PLBD2: variants seen among roughly 807,000 people sequenced by gnomAD.
PLBD2 encodes putative aminopeptidase PLBD2.
Under a neutral mutation model 68.3 loss-of-function variants are expected in PLBD2, and 51 were observed. The observed-to-expected ratio is 0.75, with a 90% confidence interval of 0.60 to 0.94. PLBD2 has a LOEUF of 0.94. Ranked by LOEUF, PLBD2 falls within the 40% of genes least tolerant of loss-of-function variation. PLBD2 has a pLI of 0.00. For synonymous variants in PLBD2, 314 were observed against 339.3 expected (o/e 0.93, Z 0.82); for missense variants, 729 against 792.2 (o/e 0.92, Z 0.96).
At chr12:113,370,133 C>A (rs1258398632) in intron 2 of PLBD2, among the ~76,000 whole-genome samples, 1 of 152,084 alleles carries the variant, frequency 6.6e-6, no homozygotes, top group Non-Finnish European at 1.5e-5. Flanking sequence ...CTCCTGACCT[C>A]AAGTGATCCG....
rs1957366706 is a variant in PLBD2, at chr12:113,369,166, A to G, written c.341A>G (p.Gln114Arg). ...AGTGGCCAATACAATGACAGCTTGC[A>G]GGCCTATGCAGCCGGTGTGGTGGAG... Reference protein sequence around the residue: ...GTSGQYNDSLQAYAAGVVEAA... With the variant: ...GTSGQYNDSLRAYAAGVVEAA... Residue 114 changes from glutamine to arginine, a missense_variant, in exon 2 of 12, where the codon CAG (glutamine) becomes CGG (arginine). Physicochemically the swap from Gln to Arg is conservative, Grantham distance 43 (BLOSUM62 1). Transcript: ENST00000280800. 2 of 1,607,372 alleles carry G rather than the reference A, an allele frequency of 1.2e-6. No homozygotes were observed. The highest frequency in any genetic ancestry group is 2.7e-5 in the African/African-American group (2 of 74,870).
chr12:113,382,699 T>A (rs1169217860), intron 6 of PLBD2, among the ~76,000 whole-genome samples: 1 of 151,830 alleles, frequency 6.6e-6, no homozygotes, highest in Non-Finnish European at 1.5e-5. Context: ...CCCCTTGGCC[T>A]CCCAAAGTGC....
At chr12:113,362,375 G>C (rs1957303615) in intron 1 of PLBD2, among the ~76,000 whole-genome samples, 1 of 151,942 alleles carries the variant, frequency 6.6e-6, no homozygotes, top group African/African-American at 2.4e-5. Context: ...CACAGTTATG[G>C]GGGGCATCCC....
At position 113,358,594 on chromosome 12, in the gene PLBD2, T is replaced by C. The variant is rs12825284; in HGVS notation, c.-7T>C. 231,034 of 1,466,304 alleles carry C rather than the reference T, an allele frequency of 0.16. 18,836 individuals carry two copies. Among genetic ancestry groups the C allele is most frequent in the East Asian group, 0.26 (8,547 of 33,198 alleles). 90.8% of individuals were successfully genotyped at this position (1,466,304 alleles called of 1,614,324 possible). ...ACCCGGGCTGCGGGGCGCAGCATTG[T>C]GCGGTCATGGTGGGCCAGATGTACT... On this transcript the variant is annotated 5_prime_UTR_variant, in exon 1 of 12. Coordinates refer to ENST00000280800, the MANE Select transcript of PLBD2 (RefSeq NM_173542.4).
chr12:113,365,659 A>G (rs1957336373), intron 1 of PLBD2, among the ~76,000 whole-genome samples: 1 of 152,022 alleles, frequency 6.6e-6, no homozygotes, highest in African/African-American at 2.4e-5. Context: ...AGTACTTACC[A>G]CAGTTTCTGG....
At chr12:113,388,041 C>T (rs1022505583) in intron 11 of PLBD2, 135 bp downstream of exon 11, 2 of 1,177,986 alleles carry the variant, frequency 1.7e-6, no homozygotes, top group African/African-American at 1.5e-5. Flanking sequence ...GTTGGGGTCA[C>T]AGTAAAGGTG....
chr12:113,381,469 A>T (rs1229404591), intron 6 of PLBD2, among the ~76,000 whole-genome samples: 1 of 152,100 alleles, frequency 6.6e-6, no homozygotes, highest in Non-Finnish European at 1.5e-5. Context: ...GAGGAGAAAA[A>T]ACATCACTCT....
At chr12:113,374,676 G>A in intron 4 of PLBD2, 102 bp downstream of exon 4, 1 of 1,462,572 alleles carries the variant, frequency 6.8e-7, no homozygotes, top group Non-Finnish European at 9.4e-7. Context: ...CCCTGGCTCT[G>A]TGGCCTTGGA....
chr12:113,374,863 C>G lies in PLBD2; in HGVS notation c.715C>G (p.Leu239Val), dbSNP rs1957425120. ...ALNKTKIKPS[L>V]GSGSCSALIK... ...GAACAAGACCAAGATCAAACCTTCTCTGGGCTCTGGCTCCTGTTCTGCCCT... is the reference window on the plus strand; with the variant it reads ...GAACAAGACCAAGATCAAACCTTCTGTGGGCTCTGGCTCCTGTTCTGCCCT... Residue 239 changes from leucine (L) to valine (V), a missense_variant, in exon 5 of 12, where the codon CTG becomes GTG. Leu to Val is a conservative substitution (Grantham distance 32, BLOSUM62 1). Coordinates refer to ENST00000280800, the MANE Select transcript of PLBD2 (RefSeq NM_173542.4). The G allele has an allele frequency of 1.9e-6, 3 of 1,613,992 alleles. No homozygotes were observed. The highest frequency in any genetic ancestry group is 2.5e-6 in the Non-Finnish European group (3 of 1,180,038).
chr12:113,382,865 GTGTTTTTTTTTTTTTT>G (rs1188795821), intron 6 of PLBD2, among the ~76,000 whole-genome samples: 1 of 103,418 alleles, frequency 9.7e-6, no homozygotes, highest in African/African-American at 3.6e-5. Flanking sequence ...GTGTGTGTGT[GTGTTTTTTTTTTTTTT>G]TTTTTTTTTA....
chr12:113,379,381 G>A (rs1252913471), intron 5 of PLBD2, among the ~76,000 whole-genome samples: 1 of 151,698 alleles, frequency 6.6e-6, no homozygotes, highest in Non-Finnish European at 1.5e-5. Context: ...GCACTGTAGG[G>A]AAGAGGTCTG....
intron 9 of PLBD2, 32 bp from the exon 10 acceptor site, chr12:113,386,905 G>C: frequency 2.5e-6 from 4 of 1,606,712 alleles, no homozygotes; most frequent in Non-Finnish European, 2.5e-6. Context: ...AGGCCAGTGG[G>C]GGTCATGGGT....
At chr12:113,371,287 G>T (rs1277661785) in intron 2 of PLBD2, among the ~76,000 whole-genome samples, 1 of 152,242 alleles carries the variant, frequency 6.6e-6, no homozygotes, top group African/African-American at 2.4e-5. Flanking sequence ...CAGTCCCAAA[G>T]TGGGAGTCCT....
Position 113,388,904 on chromosome 12 carries a change from A to C in PLBD2, c.*278A>C, listed in dbSNP as rs111645187. ...TCTGTTTCCTACTGCTGCTCTCTCAACCTCATTCCCACCTCTGGGGCCCCT... is the reference window on the plus strand; with the variant it reads ...TCTGTTTCCTACTGCTGCTCTCTCACCCTCATTCCCACCTCTGGGGCCCCT... On this transcript the variant is annotated 3_prime_UTR_variant, in exon 12 of 12. Transcript: ENST00000280800. 1,479 of 299,992 alleles carry C rather than the reference A, an allele frequency of 4.9e-3. 25 individuals are homozygous for C. Among genetic ancestry groups the C allele is most frequent in the African/African-American group, 0.03 (1,370 of 45,870 alleles). 18.6% of individuals were successfully genotyped at this position (299,992 alleles called of 1,614,324 possible). A position where few individuals can be genotyped will look rare whatever the true frequency, so the allele number is the denominator to read the frequency against.
intron 6 of PLBD2, among the ~76,000 whole-genome samples, chr12:113,381,379 G>C (rs1244588664): frequency 6.6e-6 from 1 of 151,856 alleles, no homozygotes; most frequent in Non-Finnish European, 1.5e-5. Flanking sequence ...TCCTGGCTGC[G>C]GTCCAGACTT....
chr12:113,359,190 G>C (rs559817088), intron 1 of PLBD2: 20 of 379,562 alleles, frequency 5.3e-5, no homozygotes, highest in African/African-American at 4.3e-4. Context: ...ATCTGGATCA[G>C]GTCCATGGCT....
chr12:113,385,280 T>TA lies in PLBD2; in HGVS notation c.1284dup (p.Pro429ThrfsTer26). 1 of 1,614,050 alleles carries TA rather than the reference T, an allele frequency of 6.2e-7. No homozygotes were observed. Among genetic ancestry groups the TA allele is most frequent in the South Asian group, 1.1e-5 (1 of 91,078 alleles). ...AAGACCTACTGGGCCAGCTACAACA[T>TA]ACCGTGCGTGCCTTCTCACTCCGCT... is the stretch of plus-strand genomic sequence containing the variant. On this transcript the variant is annotated frameshift_variant, in exon 9 of 12. Transcript: ENST00000280800.
At chr12:113,362,189 A>G (rs1453526042) in intron 1 of PLBD2, among the ~76,000 whole-genome samples, 2 of 152,138 alleles carry the variant, frequency 1.3e-5, no homozygotes, top group Non-Finnish European at 2.9e-5. Flanking sequence ...CTGCAAAAAA[A>G]AAGTAAAAAA....
chr12:113,380,610 A>C, intron 5 of PLBD2, 135 bp from the exon 6 acceptor site: 1 of 657,338 alleles, frequency 1.5e-6, no homozygotes, highest in Non-Finnish European at 2.7e-6. Flanking sequence ...CATTTGCTAA[A>C]TGACAAAAAG....
Sources: allele counts gnomAD v4.1 joint callset (sites outside exome capture counted in the v4.1 genomes callset), GRCh38; gene constraint gnomAD v4.1.1; transcripts MANE v1.5; gene names NCBI Gene and HGNC (gene_info 2026-07-23, HGNC 2026-07-21).